The following FRK variants were observed in gnomAD, a reference collection of about 807,000 sequenced individuals.
FRK encodes fyn related Src family tyrosine kinase.
In FRK, 51 loss-of-function variants were observed where a neutral mutation model predicts 56.4. The observed-to-expected ratio is 0.90, with a 90% confidence interval of 0.72 to 1.14. The LOEUF (loss-of-function observed/expected upper bound fraction) is 1.14. Ranked by LOEUF, FRK falls within the 50% of genes most tolerant of loss-of-function variation. The probability of loss-of-function intolerance (pLI) is 0.00; values close to 1 mark genes in which losing one functional copy is unlikely to be tolerated. For synonymous variants in FRK, 245 were observed against 217.9 expected, an observed-to-expected ratio of 1.12 and a Z score of -1.10; for missense variants, 570 against 601.4, an observed-to-expected ratio of 0.95 and a Z score of 0.55.
At chr6:115,961,412 C>T (rs1360137002) in intron 4 of FRK, among the ~76,000 whole-genome samples, 1 of 123,690 alleles carries the variant, frequency 8.1e-6, no homozygotes, top group East Asian at 3.1e-4. Context: ...ACCAAATCTA[C>T]GTCTGATTGG....
intron 5 of FRK, among the ~76,000 whole-genome samples, chr6:115,946,421 G>C (rs1772455580): frequency 1.3e-5 from 2 of 152,116 alleles, no homozygotes; most frequent in South Asian, 4.1e-4. Flanking sequence ...TTCATGTAAA[G>C]CACTTAAAGC....
chr6:115,945,252 G>A (rs1292791454), intron 5 of FRK, among the ~76,000 whole-genome samples: 1 of 152,086 alleles, frequency 6.6e-6, no homozygotes, highest in Non-Finnish European at 1.5e-5. Flanking sequence ...CTGGTCAAAT[G>A]GTAGGTCTGT....
At chr6:115,965,268 A>G (rs1773519340) in intron 4 of FRK, among the ~76,000 whole-genome samples, 4 of 111,236 alleles carry the variant, frequency 3.6e-5, no homozygotes, top group South Asian at 7.3e-4. Flanking sequence ...TCAAAAGAAG[A>G]CATTTATGCA....
rs572871881 is a variant in FRK at position 116,053,745 on chromosome 6, A to G, written c.344+6223T>C. The stretch of plus-strand genomic sequence containing the variant: ...GTAGAAAACCTGAAAAGCAAAAATA[A>G]TCAATACTTTTACTAAAGAGTGATT... On this transcript the variant is annotated intron_variant, in intron 1 of 7. Transcript: ENST00000606080. Among the ~76,000 whole-genome samples, 4 of 152,262 alleles carry G rather than the reference A, an allele frequency of 2.6e-5. No individual in the cohort carries two copies. The South Asian group carries it at 8.3e-4, about 32-fold the overall frequency.
Position 116,031,257 on chromosome 6 carries a change from T to TATGTA in FRK, c.345-27264_345-27260dup, listed in dbSNP as rs59047884. On this transcript the variant is annotated intron_variant, in intron 1 of 7. Transcript: ENST00000606080. ...AATGCATAGAAGTAAAAAAGTGGAA[T>TATGTA]ATGTACACTGATTACTTTCATGCAG... Among the ~76,000 whole-genome samples the TATGTA allele has an allele frequency of 2.9e-3, 438 of 152,232 alleles. 4 individuals carry two copies. Among genetic ancestry groups the TATGTA allele is most frequent in the African/African-American group, 0.01 (424 of 41,558 alleles).
In FRK at chr6:115,942,160, G is replaced by A; in HGVS notation, c.*254C>T. 2.9e-6 allele frequency: 1 copy of A among 344,126 alleles called. No homozygotes were observed. The highest frequency in any genetic ancestry group is 5.4e-6 in the Non-Finnish European group (1 of 184,738). 21.3% of individuals were successfully genotyped at this position (344,126 alleles called of 1,614,324 possible). On this transcript the variant is annotated 3_prime_UTR_variant, in exon 8 of 8. Coordinates refer to ENST00000606080, the MANE Select transcript of FRK (RefSeq NM_002031.3). ...TGGAAATGTAAGTATCTCTTAAAAA[G>A]AAAAATAACTTGGTTTAGTGTGCTT...
chr6:116,017,159 C>G (rs1446280870), intron 1 of FRK, among the ~76,000 whole-genome samples: 1 of 152,096 alleles, frequency 6.6e-6, no homozygotes, highest in Non-Finnish European at 1.5e-5. Context: ...GAAGAAAGAG[C>G]CCCCACCTCC....
chr6:115,954,028 G>C (rs982122198), intron 5 of FRK, among the ~76,000 whole-genome samples: 1 of 152,188 alleles, frequency 6.6e-6, no homozygotes, highest in Non-Finnish European at 1.5e-5. Context: ...TCAGTAGAAA[G>C]AGATTAAATT....
At chr6:116,008,324 A>G (rs1463473154) in intron 1 of FRK, among the ~76,000 whole-genome samples, 1 of 152,210 alleles carries the variant, frequency 6.6e-6, no homozygotes, top group Non-Finnish European at 1.5e-5. Context: ...TGGTACAATT[A>G]CTTTACAAAG....
chr6:116,019,688 A>C (rs1775789050), intron 1 of FRK, among the ~76,000 whole-genome samples: 1 of 152,182 alleles, frequency 6.6e-6, no homozygotes, highest in South Asian at 2.1e-4. Flanking sequence ...AGAAATAATA[A>C]GCAGAGCCAG....
chr6:116,078,017 G>A, the FRK span, among the ~76,000 whole-genome samples: 2 of 152,178 alleles, frequency 1.3e-5, no homozygotes, highest in African/African-American at 4.8e-5. Flanking sequence ...AAAATTAGCA[G>A]GGCATGGTAG....
intron 1 of FRK, among the ~76,000 whole-genome samples, chr6:116,019,803 A>G (rs1391433726): frequency 1.4e-4 from 22 of 152,218 alleles, no homozygotes; most frequent in Admixed American, 1.4e-3. Flanking sequence ...ACCACTCTAC[A>G]GAGTGGGTCA....
At chr6:116,088,187 G>A in the FRK span, among the ~76,000 whole-genome samples, 1 of 152,180 alleles carries the variant, frequency 6.6e-6, no homozygotes, top group Non-Finnish European at 1.5e-5. Context: ...TTAATTTACT[G>A]TTTATTCCTG....
At chr6:116,098,118 TTTTTTTTTTA>T in the FRK span, among the ~76,000 whole-genome samples, 86 of 129,338 alleles carry the variant, frequency 6.6e-4, 1 homozygote, top group African/African-American at 2.5e-3. Flanking sequence ...TTTTTTTTTT[TTTTTTTTTTA>T]AAAGACAGGG....
chr6:116,020,597 CT>C (rs1775840746), intron 1 of FRK, among the ~76,000 whole-genome samples: 1 of 152,096 alleles, frequency 6.6e-6, no homozygotes, highest in Non-Finnish European at 1.5e-5. Flanking sequence ...GCCAATATTC[CT>C]TTTCTCAACA....
At chr6:115,947,310 CTT>C (rs1386399644) in intron 5 of FRK, among the ~76,000 whole-genome samples, 14 of 123,732 alleles carry the variant, frequency 1.1e-4, no homozygotes, top group African/African-American at 4.0e-4. Context: ...AAGGGAAAGA[CTT>C]AAACAGTGTG....
intron 1 of FRK, among the ~76,000 whole-genome samples, chr6:116,052,645 G>A (rs1777224248): frequency 6.6e-6 from 1 of 151,942 alleles, no homozygotes; most frequent in South Asian, 2.1e-4. Context: ...TGGGGAAGGA[G>A]GAACAAATAG....
intron 1 of FRK, among the ~76,000 whole-genome samples, chr6:116,055,508 G>A (rs1474657805): frequency 1.3e-5 from 2 of 152,184 alleles, no homozygotes; most frequent in Non-Finnish European, 2.9e-5. Flanking sequence ...GTGCTAACAA[G>A]AGATACAAAG....
intron 1 of FRK, chr6:116,039,406 C>A: frequency 6.4e-7 from 1 of 1,572,356 alleles, no homozygotes; most frequent in Non-Finnish European, 8.7e-7. Flanking sequence ...CTGCAAGGAG[C>A]TGGCCAGCCA....
Sources: gnomAD v4.1 joint callset for allele counts (sites outside exome capture counted in the v4.1 genomes callset) on GRCh38, gnomAD v4.1.1 for gene constraint, MANE v1.5 for transcripts, NCBI Gene and HGNC (gene_info 2026-07-23, HGNC 2026-07-21) for gene names.